Variants in FXYD5 observed in about 807,000 individuals in gnomAD.
The protein encoded by FXYD5 is FXYD domain-containing ion transport regulator 5.
Under a neutral mutation model 25.7 loss-of-function variants are expected in FXYD5, and 21 were observed. The ratio of observed to expected loss-of-function variants is 0.82; its 90% CI spans 0.58 to 1.18. The LOEUF is 1.18. Ranked by LOEUF, FXYD5 falls within the 50% of genes most tolerant of loss-of-function variation. The pLI is 0.00. For missense variants in FXYD5, 229 were observed against 227.7 expected, an observed-to-expected ratio of 1.01 and a Z score of -0.04; for synonymous variants, 101 against 90.7, an observed-to-expected ratio of 1.11 and a Z score of -0.64.
chr19:35,161,258 T>C (rs1222234685), intron 5 of FXYD5, among the ~76,000 whole-genome samples: 1 of 6,340 alleles, frequency 1.6e-4, no homozygotes. Context: ...AAAAGAATGA[T>C]TGGCTATATA....
chr19:35,155,134 G>T (rs556209995), intron 1 of FXYD5: 28 of 203,548 alleles, frequency 1.4e-4, no homozygotes, highest in African/African-American at 6.5e-4. Context: ...TCCCCTCCTC[G>T]CCGACTCCCG....
At position 35,155,584 on chromosome 19, in the gene FXYD5, A is replaced by G. The variant is rs780507752; in HGVS notation, c.34A>G (p.Ile12Val). Residue 12 changes from isoleucine to valine, a missense_variant, in exon 2 of 9, where the codon ATC becomes GTC. Physicochemically the swap from Ile to Val is conservative, Grantham distance 29. Transcript: ENST00000392219. ...SPSGRLCLLT[I>V]VGLILPTRGQ... ...CTCTGGTCGCCTGTGTCTTCTCACC[A>G]TCGTTGGCCTGATTCTCCCCACCAG... is the stretch of plus-strand genomic sequence containing the variant. 6.2e-6 allele frequency: 10 copies of G among 1,610,456 alleles called. No individual in the cohort carries two copies. Among genetic ancestry groups the G allele is most frequent in the South Asian group, 3.3e-5 (3 of 91,048 alleles).
At chr19:35,161,418 G>A (rs1457872156) in intron 5 of FXYD5, among the ~76,000 whole-genome samples, 2 of 152,130 alleles carry the variant, frequency 1.3e-5, no homozygotes, top group African/African-American at 4.8e-5. Context: ...TGGTCCCATA[G>A]TTCTAACTTT....
At chr19:35,155,659 GC>G in intron 2 of FXYD5, 48 bp downstream of exon 2, 1 of 1,400,768 alleles carries the variant, frequency 7.1e-7, no homozygotes. Context: ...CCCCAGCCAG[GC>G]CAGCCCCACG....
intron 3 of FXYD5, 58 bp from the exon 4 acceptor site, chr19:35,158,286 T>C (rs1409032644): frequency 9.2e-7 from 1 of 1,085,396 alleles, no homozygotes; most frequent in Non-Finnish European, 1.4e-6. Context: ...CCATAGACCT[T>C]GCCCACTTCT....
intron 1 of FXYD5, chr19:35,155,186 T>C (rs1330969482): frequency 3.5e-6 from 1 of 282,780 alleles, no homozygotes; most frequent in Non-Finnish European, 6.7e-6. Context: ...TCCTATCTAC[T>C]CCTCTGCCCC....
chr19:35,161,062 C>A (rs189514135), intron 5 of FXYD5, among the ~76,000 whole-genome samples: 120 of 152,280 alleles, frequency 7.9e-4, no homozygotes, highest in African/African-American at 2.5e-3. Context: ...GTGCAGTATG[C>A]AGTGTTTCCC....
chr19:35,154,913 C>T (rs1043863039), intron 1 of FXYD5, 104 bp downstream of exon 1: 3 of 157,592 alleles, frequency 1.9e-5, no homozygotes, highest in Non-Finnish European at 4.2e-5. Context: ...CGCCCCCCAT[C>T]CACGCCCACA....
Position 35,157,463 on chromosome 19 carries a change from C to A in FXYD5, c.104C>A (p.Ser35Ter). 1 of 1,593,036 alleles carries A rather than the reference C, an allele frequency of 6.3e-7. No homozygotes were observed. Among genetic ancestry groups the A allele is most frequent in the Non-Finnish European group, 8.6e-7 (1 of 1,161,034 alleles). Residue 35 changes from serine to a stop codon, truncating the protein, a stop_gained, in exon 3 of 9, where the codon TCA (serine) becomes TAA (stop). Coordinates refer to ENST00000392219, the MANE Select transcript of FXYD5 (RefSeq NM_014164.6). LOFTEE classifies it high-confidence loss of function. ...KDTTSSSSAD[S>*]TIMDIQVPTR... Reference sequence around the variant, plus strand: ...ACCACGTCCAGTTCTTCAGCAGACTCAACTATCATGGACATTCAGGTCCCG... The same window carrying A: ...ACCACGTCCAGTTCTTCAGCAGACTAAACTATCATGGACATTCAGGTCCCG...
Position 35,166,314 on chromosome 19 carries a change from T to C in FXYD5, c.476T>C (p.Ile159Thr). 6.3e-7 allele frequency: 1 copy of C among 1,585,016 alleles called. No individual in the cohort carries two copies. Residue 159 changes from isoleucine to threonine, a missense_variant, in exon 8 of 9, where the codon ATC becomes ACC. Physicochemically the swap from Ile to Thr is moderately conservative, Grantham distance 89. Coordinates refer to ENST00000392219, the MANE Select transcript of FXYD5 (RefSeq NM_014164.6). ...GCTGTGCTGTTCATCACAGGCATCA[T>C]CATCCTCACCAGTGAGAACTGGGGT... ...VAAVLFITGI[I>T]ILTSGKCRQL...
chr19:35,165,882 C>G (rs1292600931), intron 6 of FXYD5, among the ~76,000 whole-genome samples: 1 of 152,018 alleles, frequency 6.6e-6, no homozygotes, highest in Non-Finnish European at 1.5e-5. Context: ...GAGGAAACAG[C>G]CAGTGCAAAG....
intron 2 of FXYD5, chr19:35,156,947 A>G (rs2065361050): frequency 6.4e-6 from 1 of 155,906 alleles, no homozygotes; most frequent in Admixed American, 6.4e-5. Flanking sequence ...GGATGGGGGC[A>G]GTGGAGTTAT....
chr19:35,157,103 T>C, intron 2 of FXYD5: 1 of 235,800 alleles, frequency 4.2e-6, no homozygotes, highest in Middle Eastern at 1.5e-3. Context: ...AGGACTTCAC[T>C]TGTTCCAGGT....
chr19:35,163,185 G>A (rs984822154), intron 5 of FXYD5, among the ~76,000 whole-genome samples: 2 of 152,210 alleles, frequency 1.3e-5, no homozygotes, highest in Non-Finnish European at 2.9e-5. Context: ...GGTCTCTGCC[G>A]TGGATCTGGC....
intron 5 of FXYD5, among the ~76,000 whole-genome samples, chr19:35,163,742 A>C (rs1357135730): frequency 6.6e-6 from 1 of 152,078 alleles, no homozygotes; most frequent in Non-Finnish European, 1.5e-5. Context: ...TCAGTCTCCC[A>C]AAGTGCTGGG....
chr19:35,166,588 C>A, intron 8 of FXYD5: 1 of 453,950 alleles, frequency 2.2e-6, no homozygotes, highest in South Asian at 5.8e-5. Flanking sequence ...CATCTGAGTT[C>A]AGTTGTGGGT....
intron 6 of FXYD5, among the ~76,000 whole-genome samples, chr19:35,164,635 G>A (rs922152814): frequency 1.3e-5 from 2 of 152,236 alleles, no homozygotes; most frequent in South Asian, 4.1e-4. Context: ...TTTCCCTGGT[G>A]ATCTTATCCA....
At chr19:35,162,522 G>A (rs1490085573) in intron 5 of FXYD5, among the ~76,000 whole-genome samples, 1 of 152,156 alleles carries the variant, frequency 6.6e-6, no homozygotes, top group Non-Finnish European at 1.5e-5. Flanking sequence ...CTCTTGCTCT[G>A]TCTTCACCAT....
chr19:35,162,776 G>T (rs774657593), intron 5 of FXYD5, among the ~76,000 whole-genome samples: 1 of 152,168 alleles, frequency 6.6e-6, no homozygotes. Flanking sequence ...CTCAGGGAAG[G>T]ACCAGACTGA....
Sources: allele counts gnomAD v4.1 joint callset (sites outside exome capture counted in the v4.1 genomes callset), GRCh38; gene constraint gnomAD v4.1.1; transcripts MANE v1.5; gene names NCBI Gene and HGNC (gene_info 2026-07-23, HGNC 2026-07-21).